Variants in NXPH1 observed in about 807,000 individuals in gnomAD.
The protein encoded by NXPH1 is neurexophilin-1.
In NXPH1, 5 loss-of-function variants were observed where a neutral mutation model predicts 23.7. That is an observed-to-expected ratio of 0.21 (90% CI 0.11 to 0.44). The LOEUF is 0.44. NXPH1 is among the 20% of genes least tolerant of loss of function. The pLI is 0.99. For synonymous variants in NXPH1, 144 were observed against 122.2 expected (o/e 1.18, Z -1.18); for missense variants, 324 against 321.6 (o/e 1.01, Z -0.06).
intron 2 of NXPH1, among the ~76,000 whole-genome samples, chr7:8,748,088 A>T (rs925563287): frequency 1.3e-5 from 2 of 152,194 alleles, no homozygotes; most frequent in African/African-American, 4.8e-5. Context: ...ATATATTCCT[A>T]TGCATAATCC....
chr7:8,469,712 G>A (rs1451668831), intron 2 of NXPH1, among the ~76,000 whole-genome samples: 1 of 152,014 alleles, frequency 6.6e-6, no homozygotes, highest in African/African-American at 2.4e-5. Context: ...ACTATGATGA[G>A]GGTAAAATAC....
At chr7:8,505,026 A>C (rs986852788) in intron 2 of NXPH1, among the ~76,000 whole-genome samples, 4 of 152,068 alleles carry the variant, frequency 2.6e-5, no homozygotes, top group African/African-American at 9.7e-5. Context: ...ACAGCCCTGC[A>C]AGAGTAAGGG....
chr7:8,475,901 A>C (rs1816962184), intron 2 of NXPH1, among the ~76,000 whole-genome samples: 1 of 152,124 alleles, frequency 6.6e-6, no homozygotes, highest in African/African-American at 2.4e-5. Flanking sequence ...TCTCTGTTTT[A>C]ATTCCAGATA....
intron 2 of NXPH1, among the ~76,000 whole-genome samples, chr7:8,724,999 A>G (rs1780025737): frequency 1.3e-5 from 2 of 152,238 alleles, no homozygotes; most frequent in Admixed American, 6.5e-5. Context: ...TAACTGGTTA[A>G]GAGATCTGCA....
intron 2 of NXPH1, among the ~76,000 whole-genome samples, chr7:8,730,708 C>A (rs1173578805): frequency 1.3e-5 from 2 of 152,212 alleles, no homozygotes; most frequent in East Asian, 3.9e-4. Flanking sequence ...GCCGAGAGAT[C>A]CGCTGTTAGT....
rs1583262463 is a variant in NXPH1 at position 8,752,802 on chromosome 7, G to C, written c.*1033G>C. On this transcript the variant is annotated 3_prime_UTR_variant, in exon 3 of 3. Transcript: ENST00000405863. ...TCATTTTATCAATGTAGCTGTGAAGGCCATTAAAAAGACAAACTTAATGTA... is the reference window on the plus strand; with the variant it reads ...TCATTTTATCAATGTAGCTGTGAAGCCCATTAAAAAGACAAACTTAATGTA... The C allele has an allele frequency of 6.6e-6, 1 of 152,336 alleles. No homozygotes were observed. Among genetic ancestry groups the C allele is most frequent in the Admixed American group, 6.6e-5 (1 of 15,228 alleles). 9.4% of individuals were successfully genotyped at this position (152,336 alleles called of 1,614,324 possible).
intron 2 of NXPH1, among the ~76,000 whole-genome samples, chr7:8,457,308 G>A (rs1337850759): frequency 6.6e-6 from 1 of 152,128 alleles, no homozygotes; most frequent in Non-Finnish European, 1.5e-5. Context: ...GACAATCAGA[G>A]AGCCTCTTCC....
chr7:8,579,080 G>C (rs889567780), intron 2 of NXPH1, among the ~76,000 whole-genome samples: 7 of 152,190 alleles, frequency 4.6e-5, no homozygotes, highest in Non-Finnish European at 8.8e-5. Context: ...ACATGTTTGT[G>C]AAAGTTAAAG....
At chr7:8,465,883 T>G (rs2349482) in intron 2 of NXPH1, among the ~76,000 whole-genome samples, 6 of 152,000 alleles carry the variant, frequency 3.9e-5, no homozygotes, top group African/African-American at 7.2e-5. Context: ...GAGACTGTTG[T>G]GTCCACAGCC....
intron 2 of NXPH1, among the ~76,000 whole-genome samples, chr7:8,731,435 A>C (rs1780151965): frequency 1.3e-5 from 2 of 152,002 alleles, no homozygotes; most frequent in Admixed American, 6.5e-5. Flanking sequence ...TAGAGTTTCC[A>C]GTTTTTCTGC....
chr7:8,688,806 A>C (rs979230750), intron 2 of NXPH1, among the ~76,000 whole-genome samples: 1 of 152,194 alleles, frequency 6.6e-6, no homozygotes, highest in Non-Finnish European at 1.5e-5. Flanking sequence ...GACACAGTTA[A>C]TAATTAGGAT....
chr7:8,617,180 A>G (rs1206692377), intron 2 of NXPH1, among the ~76,000 whole-genome samples: 2 of 152,144 alleles, frequency 1.3e-5, no homozygotes, highest in African/African-American at 4.8e-5. Context: ...CCAATTATCC[A>G]GTCCCAATGT....
intron 2 of NXPH1, among the ~76,000 whole-genome samples, chr7:8,669,416 A>T (rs1820830983): frequency 6.6e-6 from 1 of 151,998 alleles, no homozygotes; most frequent in African/African-American, 2.4e-5. Context: ...CTGGCCTGGC[A>T]CTGGGGTTGA....
chr7:8,440,956 C>A (rs1221351459), intron 2 of NXPH1, among the ~76,000 whole-genome samples: 1 of 152,168 alleles, frequency 6.6e-6, no homozygotes, highest in Non-Finnish European at 1.5e-5. Context: ...ACTCTTCTTG[C>A]GCTCCTGTAA....
chr7:8,511,317 C>A (rs1488999088), intron 2 of NXPH1, among the ~76,000 whole-genome samples: 1 of 152,052 alleles, frequency 6.6e-6, no homozygotes, highest in Non-Finnish European at 1.5e-5. Flanking sequence ...ATAGAGGCCA[C>A]AACTCTTGGG....
chr7:8,618,987 T>G lies in NXPH1; in HGVS notation c.55-132021T>G, dbSNP rs1819805740. Among the ~76,000 whole-genome samples the G allele has an allele frequency of 3.3e-5, 5 of 152,256 alleles. No individual in the cohort carries two copies. In the South Asian group the frequency reaches 1.0e-3, roughly 32 times the overall value. ...ATTATAAAATTGAAATCTTTTCAGT[T>G]TGTGTGTTACTATTTTTAAGCAGGA... On this transcript the variant is annotated intron_variant, in intron 2 of 2. Coordinates refer to ENST00000405863, the MANE Select transcript of NXPH1 (RefSeq NM_152745.3).
intron 2 of NXPH1, among the ~76,000 whole-genome samples, chr7:8,485,472 T>C (rs565443563): frequency 6.6e-6 from 1 of 152,086 alleles, no homozygotes; most frequent in Non-Finnish European, 1.5e-5. Flanking sequence ...TTCGTGGATA[T>C]CTCAGAAGTT....
At chr7:8,540,782 G>A (rs968624030) in intron 2 of NXPH1, among the ~76,000 whole-genome samples, 1 of 151,676 alleles carries the variant, frequency 6.6e-6, no homozygotes, top group African/African-American at 2.4e-5. Flanking sequence ...GCCAGCAATA[G>A]TGCTGGTTTC....
intron 2 of NXPH1, among the ~76,000 whole-genome samples, chr7:8,721,453 A>G (rs1412695547): frequency 6.6e-6 from 1 of 152,236 alleles, no homozygotes; most frequent in African/African-American, 2.4e-5. Flanking sequence ...CAGTCTATTT[A>G]AGAACCAAGA....
Sources: allele counts gnomAD v4.1 joint callset (sites outside exome capture counted in the v4.1 genomes callset), GRCh38; gene constraint gnomAD v4.1.1; transcripts MANE v1.5; gene names NCBI Gene and HGNC (gene_info 2026-07-23, HGNC 2026-07-21).